Variants in DACH1 observed in about 807,000 individuals in gnomAD.
The protein encoded by DACH1 is dachshund homolog 1.
DACH1 carries 12 observed loss-of-function variants against 54.2 expected under a neutral mutation model. The observed-to-expected ratio is 0.22, with a 90% CI of 0.14 to 0.36. The LOEUF is 0.36. Ranked by LOEUF, DACH1 falls within the 10% of genes least tolerant of loss-of-function variation. The pLI is 1.00. For synonymous variants in DACH1, 386 were observed against 366.2 expected (o/e 1.05, Z -0.62); for missense variants, 805 against 929.8 (o/e 0.87, Z 1.75).
chr13:71,574,661 G>A (rs1488659743), intron 3 of DACH1, among the ~76,000 whole-genome samples: 1 of 151,664 alleles, frequency 6.6e-6, no homozygotes, highest in Non-Finnish European at 1.5e-5. Context: ...TTCAGAAGTG[G>A]GTAATGAAAA....
intron 2 of DACH1, among the ~76,000 whole-genome samples, chr13:71,660,050 C>T (rs1466333422): frequency 1.2e-4 from 18 of 152,100 alleles, no homozygotes; most frequent in Admixed American, 1.2e-3. Context: ...ACTGAAACAA[C>T]TATAATTTCT....
At chr13:71,596,703 T>C (rs1874120642) in intron 3 of DACH1, among the ~76,000 whole-genome samples, 1 of 152,136 alleles carries the variant, frequency 6.6e-6, no homozygotes, top group Non-Finnish European at 1.5e-5. Flanking sequence ...CAAAGCACTG[T>C]AGGTGAAGAG....
At chr13:71,729,755 G>A (rs574533363) in intron 1 of DACH1, among the ~76,000 whole-genome samples, 4 of 152,142 alleles carry the variant, frequency 2.6e-5, no homozygotes, top group East Asian at 1.9e-4. Flanking sequence ...AGAATATTAG[G>A]TAATTAGAAT....
At chr13:71,820,332 T>C (rs2138180130) in intron 1 of DACH1, among the ~76,000 whole-genome samples, 1 of 152,160 alleles carries the variant, frequency 6.6e-6, no homozygotes, top group South Asian at 2.1e-4. Flanking sequence ...AGGCATGGTC[T>C]TCTGCATCCA....
At chr13:71,826,127 C>A (rs1408889) in intron 1 of DACH1, among the ~76,000 whole-genome samples, 87,006 of 151,844 alleles carry the variant, frequency 0.57, 25,565 homozygotes, top group Admixed American at 0.66. Context: ...TTAAAAGTTA[C>A]ATTTTACAGC....
chr13:71,495,981 C>T (rs1336567417), intron 6 of DACH1, among the ~76,000 whole-genome samples: 2 of 151,896 alleles, frequency 1.3e-5, no homozygotes, highest in African/African-American at 2.4e-5. Context: ...GCCTGAAATC[C>T]CAGCACTTTG....
intron 3 of DACH1, among the ~76,000 whole-genome samples, chr13:71,591,483 A>T (rs1054528468): frequency 1.1e-4 from 16 of 152,184 alleles, no homozygotes; most frequent in African/African-American, 3.9e-4. Flanking sequence ...GAAGCAAAAC[A>T]TTTTGTTTTA....
chr13:71,541,538 C>T (rs972106254), intron 6 of DACH1, among the ~76,000 whole-genome samples: 2 of 152,010 alleles, frequency 1.3e-5, no homozygotes, highest in Admixed American at 1.3e-4. Flanking sequence ...TTTTTCTTTA[C>T]AAGAAGCACA....
At chr13:71,705,239 A>G (rs548586788) in intron 1 of DACH1, among the ~76,000 whole-genome samples, 2 of 152,212 alleles carry the variant, frequency 1.3e-5, no homozygotes, top group Admixed American at 1.3e-4. Flanking sequence ...GTTTTCCTCT[A>G]GTAATAATAT....
chr13:71,735,913 A>G (rs1305688426), intron 1 of DACH1, among the ~76,000 whole-genome samples: 2 of 152,088 alleles, frequency 1.3e-5, no homozygotes, highest in African/African-American at 4.8e-5. Context: ...AGTCGGTAAA[A>G]TCAAAGGCAC....
Position 71,439,419 on chromosome 13 carries a change from A to G in DACH1, c.*1236T>C, listed in dbSNP as rs950188999. ...ACCCTTCCCTCTGACAAGGGTGGGA[A>G]GCACAGCACATTTTAACTTTATCAC... On this transcript the variant is annotated 3_prime_UTR_variant, in exon 11 of 11. Coordinates refer to ENST00000613252, the MANE Select transcript of DACH1 (RefSeq NM_080759.6). The G allele has an allele frequency of 1.4e-4, 22 of 152,522 alleles. No individual in the cohort carries two copies. Among genetic ancestry groups the G allele is most frequent in the African/African-American group, 5.1e-4 (21 of 41,458 alleles). 9.4% of individuals were successfully genotyped at this position (152,522 alleles called of 1,614,324 possible). A position where few individuals can be genotyped will look rare whatever the true frequency, so the allele number is the denominator to read the frequency against.
chr13:71,552,228 A>G (rs1314058129), intron 6 of DACH1, among the ~76,000 whole-genome samples: 1 of 152,160 alleles, frequency 6.6e-6, no homozygotes, highest in East Asian at 1.9e-4. Context: ...TTTCATTCAC[A>G]TATCTAGCTT....
intron 1 of DACH1, among the ~76,000 whole-genome samples, chr13:71,812,760 C>T (rs529390527): frequency 1.7e-5 from 2 of 120,590 alleles, no homozygotes; most frequent in African/African-American, 2.6e-5. Flanking sequence ...TGTTGTGTCC[C>T]ACGGAAAAAA....
chr13:71,736,057 C>T (rs1884100480), intron 1 of DACH1, among the ~76,000 whole-genome samples: 1 of 152,046 alleles, frequency 6.6e-6, no homozygotes, highest in African/African-American at 2.4e-5. Context: ...GAGCTGTGTA[C>T]AGAGAGTATG....
At chr13:71,551,605 T>C (rs1450413073) in intron 6 of DACH1, among the ~76,000 whole-genome samples, 3 of 152,150 alleles carry the variant, frequency 2.0e-5, no homozygotes, top group Admixed American at 6.6e-5. Flanking sequence ...GTTCCATTCA[T>C]GTTGCTGCAT....
chr13:71,474,093 T>C (rs976403378), intron 10 of DACH1, among the ~76,000 whole-genome samples: 3 of 152,152 alleles, frequency 2.0e-5, no homozygotes, highest in African/African-American at 7.2e-5. Context: ...TAATAACATA[T>C]GATTCAAACC....
At chr13:71,615,432 G>A (rs751664478) in intron 3 of DACH1, among the ~76,000 whole-genome samples, 2 of 152,284 alleles carry the variant, frequency 1.3e-5, no homozygotes, top group East Asian at 1.9e-4. Flanking sequence ...TGTGTTTAGA[G>A]CTGGAGTACA....
At chr13:71,604,210 ATTAG>A (rs946907648) in intron 3 of DACH1, among the ~76,000 whole-genome samples, 1 of 151,982 alleles carries the variant, frequency 6.6e-6, no homozygotes, top group African/African-American at 2.4e-5. Context: ...CTATTTTCCA[ATTAG>A]TTAATTTTTC....
intron 8 of DACH1, among the ~76,000 whole-genome samples, chr13:71,478,568 G>A (rs1381189494): frequency 6.6e-6 from 1 of 152,092 alleles, no homozygotes; most frequent in Non-Finnish European, 1.5e-5. Flanking sequence ...GCACCATACA[G>A]TGTGACAAAA....
Sources: allele counts gnomAD v4.1 joint callset (sites outside exome capture counted in the v4.1 genomes callset), GRCh38; gene constraint gnomAD v4.1.1; transcripts MANE v1.5; gene names NCBI Gene and HGNC (gene_info 2026-07-23, HGNC 2026-07-21).